The following GRM7 variants were observed in gnomAD, a reference collection of about 807,000 sequenced individuals.
GRM7 encodes the protein metabotropic glutamate receptor 7.
GRM7 carries 35 observed loss-of-function variants against 84.5 expected under a neutral mutation model. That is an observed-to-expected ratio of 0.41 (90% confidence interval 0.32 to 0.55). GRM7 has a LOEUF of 0.55. Ranked by LOEUF, GRM7 falls within the 20% of genes least tolerant of loss-of-function variation. The probability of loss-of-function intolerance (pLI) is 0.19; values close to 1 mark genes in which losing one functional copy is unlikely to be tolerated. For missense variants in GRM7, 1,003 were observed against 1,194.6 expected (o/e 0.84, Z 2.36); for synonymous variants, 487 against 455.1 (o/e 1.07, Z -0.89).
chr3:7,360,533 T>C (rs549366061), intron 4 of GRM7, among the ~76,000 whole-genome samples: 1 of 152,258 alleles, frequency 6.6e-6, no homozygotes, highest in Non-Finnish European at 1.5e-5. Flanking sequence ...GAAAATATTT[T>C]TCAAGTATTG....
intron 9 of GRM7, among the ~76,000 whole-genome samples, chr3:7,695,219 G>C (rs1320050119): frequency 6.6e-6 from 1 of 152,156 alleles, no homozygotes; most frequent in Non-Finnish European, 1.5e-5. Context: ...AAATAAAGCT[G>C]AAGTTAATTG....
chr3:7,576,734 ATTG>A (rs1478136780), intron 7 of GRM7, among the ~76,000 whole-genome samples: 1 of 152,212 alleles, frequency 6.6e-6, no homozygotes, highest in Non-Finnish European at 1.5e-5. Context: ...ATCAGCCATC[ATTG>A]TTAATTGGAA....
intron 9 of GRM7, among the ~76,000 whole-genome samples, chr3:7,738,132 A>T (rs1702567754): frequency 6.6e-6 from 1 of 152,162 alleles, no homozygotes. Context: ...GACAGGCATG[A>T]GCAACCATAC....
At chr3:7,323,495 T>C (rs1700865509) in intron 4 of GRM7, among the ~76,000 whole-genome samples, 1 of 152,206 alleles carries the variant, frequency 6.6e-6, no homozygotes, top group Non-Finnish European at 1.5e-5. Flanking sequence ...CTGCTTATCG[T>C]TCAACATGTC....
At chr3:7,371,334 A>C (rs541094806) in intron 4 of GRM7, among the ~76,000 whole-genome samples, 1 of 152,318 alleles carries the variant, frequency 6.6e-6, no homozygotes, top group East Asian at 1.9e-4. Context: ...GCACTAACCT[A>C]GGAGACGTAA....
At chr3:7,455,381 C>G (rs1345916666) in intron 6 of GRM7, among the ~76,000 whole-genome samples, 1 of 152,024 alleles carries the variant, frequency 6.6e-6, no homozygotes, top group Non-Finnish European at 1.5e-5. Context: ...CACCAAGATA[C>G]ATATGAATAA....
intron 1 of GRM7, among the ~76,000 whole-genome samples, chr3:7,059,293 A>G (rs1697343762): frequency 6.6e-6 from 1 of 151,842 alleles, no homozygotes; most frequent in Admixed American, 6.6e-5. Flanking sequence ...AGCAAAAATT[A>G]TCTATCAATG....
intron 7 of GRM7, chr3:7,561,574 G>A (rs1015005986): frequency 4.6e-5 from 21 of 456,304 alleles, no homozygotes; most frequent in African/African-American, 4.0e-4. Context: ...CCTTAGTAGT[G>A]TAAGCATATT....
intron 1 of GRM7, among the ~76,000 whole-genome samples, chr3:7,109,105 A>G (rs1692756279): frequency 6.6e-6 from 1 of 152,104 alleles, no homozygotes; most frequent in Non-Finnish European, 1.5e-5. Context: ...AGAGGCTGAT[A>G]TGAAATGAGA....
At chr3:7,293,418 T>C (rs1259779076) in intron 2 of GRM7, among the ~76,000 whole-genome samples, 1 of 152,162 alleles carries the variant, frequency 6.6e-6, no homozygotes, top group Admixed American at 6.5e-5. Flanking sequence ...TGTATCTCTC[T>C]TGTATGTATC....
chr3:7,553,331 C>T (rs1693583401), intron 7 of GRM7, among the ~76,000 whole-genome samples: 1 of 152,170 alleles, frequency 6.6e-6, no homozygotes, highest in African/African-American at 2.4e-5. Context: ...TAGGAAGTTC[C>T]AAACTTTCCC....
intron 8 of GRM7, chr3:7,636,320 C>T (rs1698092083): frequency 2.2e-6 from 1 of 456,420 alleles, no homozygotes; most frequent in African/African-American, 2.0e-5. Context: ...TGTTATCCTC[C>T]CCGACCGGAC....
At chr3:7,004,568 T>A (rs904281586) in intron 1 of GRM7, among the ~76,000 whole-genome samples, 2 of 152,192 alleles carry the variant, frequency 1.3e-5, no homozygotes, top group African/African-American at 4.8e-5. Context: ...TTTTTAATGA[T>A]GATCTTTTCA....
At chr3:7,411,888 AT>A (rs1482662084) in intron 4 of GRM7, among the ~76,000 whole-genome samples, 6 of 152,024 alleles carry the variant, frequency 3.9e-5, no homozygotes, top group Non-Finnish European at 5.9e-5. Flanking sequence ...ATTTTTTAAA[AT>A]TTTTGTACTT....
At chr3:6,893,184 T>C (rs1427484694) in intron 1 of GRM7, 3 of 152,160 alleles carry the variant, frequency 2.0e-5, no homozygotes, top group Non-Finnish European at 4.4e-5. Flanking sequence ...AACTGGGTGG[T>C]AGAACAACAA....
intron 1 of GRM7, among the ~76,000 whole-genome samples, chr3:7,049,340 G>A (rs753746122): frequency 1.3e-4 from 20 of 152,080 alleles, no homozygotes; most frequent in Non-Finnish European, 2.4e-4. Context: ...AGTCAAATGA[G>A]GAGCAAAGTC....
chr3:7,045,587 T>A (rs1696777355), intron 1 of GRM7, among the ~76,000 whole-genome samples: 1 of 152,190 alleles, frequency 6.6e-6, no homozygotes, highest in African/African-American at 2.4e-5. Context: ...TTGGCTTCTA[T>A]GAGCTTTACT....
chr3:7,341,645 T>A (rs1259709764), intron 4 of GRM7, among the ~76,000 whole-genome samples: 1 of 152,106 alleles, frequency 6.6e-6, no homozygotes, highest in East Asian at 1.9e-4. Context: ...CTTTTTGTCT[T>A]TTTAAACTGT....
chr3:7,149,940 G>A (rs1018540190), intron 2 of GRM7, among the ~76,000 whole-genome samples: 1 of 152,124 alleles, frequency 6.6e-6, no homozygotes, highest in Non-Finnish European at 1.5e-5. Context: ...GTTGTAACTA[G>A]AGGGTTATTT....
Sources: gnomAD v4.1 joint callset for allele counts (sites outside exome capture counted in the v4.1 genomes callset) on GRCh38, gnomAD v4.1.1 for gene constraint, MANE v1.5 for transcripts, NCBI Gene and HGNC (gene_info 2026-07-23, HGNC 2026-07-21) for gene names.